Variants in TLN2 observed in about 807,000 individuals in gnomAD.
TLN2 encodes the protein talin-2.
A neutral mutation model predicts 294.7 loss-of-function variants in TLN2; 118 were observed. That is an observed-to-expected ratio of 0.40 (90% confidence interval 0.34 to 0.47). The LOEUF (loss-of-function observed/expected upper bound fraction) is 0.47, where lower values mean the gene tolerates loss of function less well. Ranked by LOEUF, TLN2 falls within the 20% of genes least tolerant of loss-of-function variation. The pLI is 0.84. For missense variants in TLN2, 3,083 were observed against 3,282.2 expected, an observed-to-expected ratio of 0.94 and a Z score of 1.48; for synonymous variants, 1,431 against 1,304.5, an observed-to-expected ratio of 1.10 and a Z score of -2.09.
chr15:62,688,161 A>T (rs1437617736), intron 12 of TLN2, among the ~76,000 whole-genome samples: 1 of 152,196 alleles, frequency 6.6e-6, no homozygotes, highest in Admixed American at 6.5e-5. Context: ...AAAAATGAAT[A>T]GTTATGATAA....
At position 62,636,005 on chromosome 15, in the gene TLN2, C is replaced by G. The variant is rs894557685; in HGVS notation, c.-36-11270C>G. 3.9e-5 allele frequency among the ~76,000 whole-genome samples: 6 copies of G among 152,200 alleles called. No homozygotes were observed. The South Asian group carries it at 6.2e-4, about 16-fold the overall frequency. ...TTGTCCTGCTTGGGCGAAGTCTAAA[C>G]CTCTTAGCATGGGGTTATGTTGAGG... On this transcript the variant is annotated intron_variant, in intron 3 of 58. Transcript: ENST00000636159.
At chr15:62,765,394 C>T (rs116013716) in intron 40 of TLN2, among the ~76,000 whole-genome samples, 1,893 of 151,914 alleles carry the variant, frequency 0.012, 46 homozygotes, top group African/African-American at 0.044. Flanking sequence ...ACACTCTGCC[C>T]GCATCCCTCC....
Position 62,810,030 on chromosome 15 carries a change from G to A in TLN2, c.6769G>A (p.Val2257Met), listed in dbSNP as rs766751862. 3.7e-6 allele frequency: 6 copies of A among 1,613,940 alleles called. No individual in the cohort carries two copies. Among genetic ancestry groups the A allele is most frequent in the Non-Finnish European group, 3.4e-6 (4 of 1,179,878 alleles). The change falls in exon 52 of 59, where the codon GTG becomes ATG. Residue 2257 changes from valine to methionine, a missense_variant and splice_region_variant. Coordinates refer to ENST00000636159, the MANE Select transcript of TLN2 (RefSeq NM_015059.3). ...CTTGGACCTCCTGGAGCACGTCTTGGTGGTAAGAAAGCGCATGAGTCAGGG... is the reference window on the plus strand; with the variant it reads ...CTTGGACCTCCTGGAGCACGTCTTGATGGTAAGAAAGCGCATGAGTCAGGG... ...GYLDLLEHVL[V>M]ILQKPTPEFK... is the part of the protein sequence containing the mutation.
intron 1 of TLN2, among the ~76,000 whole-genome samples, chr15:62,455,278 G>C (rs1467738436): frequency 2.0e-5 from 3 of 152,004 alleles, no homozygotes; most frequent in African/African-American, 7.3e-5. Context: ...CTCGATGGAG[G>C]GGACGTGATG....
intron 1 of TLN2, among the ~76,000 whole-genome samples, chr15:62,466,890 G>C (rs752569208): frequency 6.6e-6 from 1 of 152,178 alleles, no homozygotes; most frequent in African/African-American, 2.4e-5. Context: ...TTTGCAAATG[G>C]CTGTGAATGG....
At position 62,819,563 on chromosome 15, in the gene TLN2, C is replaced by G; in HGVS notation, c.6819C>G (p.Phe2273Leu). The G allele has an allele frequency of 6.2e-7, 1 of 1,613,914 alleles. No homozygotes were observed. The highest frequency in any genetic ancestry group is 8.5e-7 in the Non-Finnish European group (1 of 1,180,042). ...TPEFKQQLAA[F>L]SKRVAGAVTE... ...AATTCAAGCAGCAGCTGGCCGCTTT[C>G]TCCAAGCGAGTCGCCGGCGCTGTGA... Residue 2273 changes from phenylalanine to leucine, a missense_variant, in exon 53 of 59, where the codon TTC becomes TTG. By Grantham distance (22) the Phe-to-Leu change is conservative. Transcript: ENST00000636159.
chr15:62,758,379 G>C (rs966293907), intron 37 of TLN2, among the ~76,000 whole-genome samples: 3 of 152,200 alleles, frequency 2.0e-5, no homozygotes, highest in Non-Finnish European at 4.4e-5. Context: ...CTGTCTCTCC[G>C]AGTCACCACA....
At chr15:62,641,274 G>A (rs1052386025) in intron 3 of TLN2, among the ~76,000 whole-genome samples, 2 of 152,128 alleles carry the variant, frequency 1.3e-5, no homozygotes, top group Non-Finnish European at 1.5e-5. Flanking sequence ...ACTCAAGTAT[G>A]CTGCTTCCAT....
intron 53 of TLN2, 76 bp downstream of exon 53, chr15:62,819,697 A>C: frequency 3.0e-6 from 4 of 1,344,360 alleles, no homozygotes; most frequent in Non-Finnish European, 4.1e-6. Context: ...AGCAGAGGAA[A>C]AGCACAGACG....
At chr15:62,673,946 AGT>A in intron 10 of TLN2, 56 bp downstream of exon 10, 2 of 1,407,024 alleles carry the variant, frequency 1.4e-6, no homozygotes, top group Non-Finnish European at 2.0e-6. Context: ...CTCATTTATT[AGT>A]GTGAGGGGGC....
At chr15:62,820,639 G>A (rs200136697) in intron 54 of TLN2, 29 bp downstream of exon 54, 29 of 1,603,738 alleles carry the variant, frequency 1.8e-5, no homozygotes, top group Middle Eastern at 1.7e-4. Context: ...TTGGCTGTCC[G>A]ATGTCAGTGG....
intron 21 of TLN2, among the ~76,000 whole-genome samples, chr15:62,710,577 C>T (rs2059360258): frequency 6.6e-6 from 1 of 152,120 alleles, no homozygotes; most frequent in Non-Finnish European, 1.5e-5. Context: ...TCCCATATAC[C>T]TTTCCCAGTT....
intron 1 of TLN2, among the ~76,000 whole-genome samples, chr15:62,399,016 G>T (rs1457616731): frequency 6.6e-6 from 1 of 152,056 alleles, no homozygotes; most frequent in Non-Finnish European, 1.5e-5. Flanking sequence ...GGGACTTGGT[G>T]CTCTGCATCC....
intron 1 of TLN2, among the ~76,000 whole-genome samples, chr15:62,497,869 G>A (rs940631554): frequency 6.6e-6 from 1 of 151,958 alleles, no homozygotes; most frequent in Non-Finnish European, 1.5e-5. Flanking sequence ...TGGCTTCCCC[G>A]TGCTGCTGAC....
At chr15:62,501,327 C>G (rs2039295397) in intron 1 of TLN2, among the ~76,000 whole-genome samples, 1 of 152,138 alleles carries the variant, frequency 6.6e-6, no homozygotes, top group South Asian at 2.1e-4. Flanking sequence ...TCTCTCTTTG[C>G]CTGAATTTCT....
At chr15:62,816,160 A>G (rs1230745670) in intron 52 of TLN2, among the ~76,000 whole-genome samples, 3 of 152,222 alleles carry the variant, frequency 2.0e-5, no homozygotes, top group Non-Finnish European at 2.9e-5. Flanking sequence ...TTAACTCTCA[A>G]CAAACATAGG....
Position 62,641,393 on chromosome 15 carries a change from G to T in TLN2, c.-36-5882G>T, listed in dbSNP as rs184635943. 3.5e-3 allele frequency among the ~76,000 whole-genome samples: 536 copies of T among 152,160 alleles called. 3 individuals are homozygous for T. Among genetic ancestry groups the T allele is most frequent in the African/African-American group, 0.013 (524 of 41,498 alleles). ...GCACTTTGGGAGGCCAAGGCAGGTGGATCACTTGAGGTTGGGAGTTTGAGA... is the reference window on the plus strand; with the variant it reads ...GCACTTTGGGAGGCCAAGGCAGGTGTATCACTTGAGGTTGGGAGTTTGAGA... On this transcript the variant is annotated intron_variant, in intron 3 of 58. Coordinates refer to ENST00000636159, the MANE Select transcript of TLN2 (RefSeq NM_015059.3).
intron 51 of TLN2, among the ~76,000 whole-genome samples, chr15:62,809,393 G>A (rs1195530193): frequency 2.6e-5 from 4 of 152,182 alleles, no homozygotes; most frequent in African/African-American, 7.2e-5. Context: ...GTACTGGGGA[G>A]CTAGCTATCT....
At chr15:62,662,879 AGTGGCGT>A (rs55800620) in intron 9 of TLN2, among the ~76,000 whole-genome samples, 119,717 of 142,810 alleles carry the variant, frequency 0.84, 52,810 homozygotes, top group Non-Finnish European at 0.96. Context: ...GCTGGAGTGC[AGTGGCGT>A]GATCTCGGCT....
Sources: gnomAD v4.1 joint callset for allele counts (sites outside exome capture counted in the v4.1 genomes callset) on GRCh38, gnomAD v4.1.1 for gene constraint, MANE v1.5 for transcripts, NCBI Gene and HGNC (gene_info 2026-07-23, HGNC 2026-07-21) for gene names.